The following MORC3 variants were observed in gnomAD, a reference collection of about 807,000 sequenced individuals.
MORC3 encodes MORC family CW-type zinc finger 3, also known as MORC family CW-type zinc finger protein 3.
In MORC3, 31 loss-of-function variants were observed where a neutral mutation model predicts 109.1. The ratio of observed to expected loss-of-function variants is 0.28; its 90% CI spans 0.21 to 0.38. The LOEUF is 0.38. MORC3 is among the 10% of genes least tolerant of loss of function. The pLI is 1.00. For missense variants in MORC3, 867 were observed against 1,135.8 expected (o/e 0.76, Z 3.40); for synonymous variants, 395 against 380.7 (o/e 1.04, Z -0.44).
chr21:36,324,762 C>T (rs2085230993), intron 1 of MORC3, among the ~76,000 whole-genome samples: 2 of 144,920 alleles, frequency 1.4e-5, no homozygotes, highest in Admixed American at 7.1e-5. Flanking sequence ...GGCTGGAGTG[C>T]AGTGGCATGA....
intron 15 of MORC3, among the ~76,000 whole-genome samples, chr21:36,371,537 T>C (rs2085867062): frequency 6.6e-6 from 1 of 152,250 alleles, no homozygotes; most frequent in Admixed American, 6.5e-5. Context: ...GAGTATTTCA[T>C]GTAATGTATT....
At position 36,320,303 on chromosome 21, in the gene MORC3, G is replaced by C; in HGVS notation, c.39G>C (p.Ala13=). The C allele has an allele frequency of 1.3e-6, 2 of 1,553,424 alleles. No individual in the cohort carries two copies. ...AQPPRGIRLS[A]LCPKFLHTNS... ...CACCCCGCGGGATACGCCTCAGCGC[G>C]GTGAGCAGCCGCGAGGGGTGGAGCG... The change falls in exon 1 of 17, where the codon GCG becomes GCC. Residue 13 remains alanine (A), a splice_region_variant and synonymous_variant. Coordinates refer to ENST00000400485, the MANE Select transcript of MORC3 (RefSeq NM_015358.3).
intron 2 of MORC3, 71 bp downstream of exon 2, chr21:36,333,789 GTTT>G: frequency 1.1e-6 from 1 of 936,704 alleles, no homozygotes; most frequent in Admixed American, 3.0e-5. Context: ...GTTTTGTTTT[GTTT>G]TTTTTTTTTA....
At chr21:36,331,381 G>C (rs1220624806) in intron 1 of MORC3, among the ~76,000 whole-genome samples, 2 of 151,826 alleles carry the variant, frequency 1.3e-5, no homozygotes, top group Admixed American at 6.6e-5. Flanking sequence ...GGCAGATCAC[G>C]AGGTCAGGAG....
chr21:36,364,213 C>G lies in MORC3; in HGVS notation c.1573C>G (p.Leu525Val). 1 of 1,614,150 alleles carries G rather than the reference C, an allele frequency of 6.2e-7. No homozygotes were observed. Among genetic ancestry groups the G allele is most frequent in the East Asian group, 2.2e-5 (1 of 44,872 alleles). Residue 525 changes from leucine to valine, a missense_variant, in exon 14 of 17, where the codon CTA becomes GTA. Physicochemically the swap from Leu to Val is conservative, Grantham distance 32. Coordinates refer to ENST00000400485, the MANE Select transcript of MORC3 (RefSeq NM_015358.3). ...EGTNSYATRL[L>V]NNHQVPPQSE... ...AACAAATTCTTATGCGACAAGACTT[C>G]TAAATAATCATCAAGTTCCACCTCA...
At chr21:36,339,954 A>C (rs2085421982) in intron 5 of MORC3, among the ~76,000 whole-genome samples, 1 of 152,154 alleles carries the variant, frequency 6.6e-6, no homozygotes, top group Non-Finnish European at 1.5e-5. Flanking sequence ...GGTACACTTC[A>C]TTCAGTTTCC....
chr21:36,346,010 T>C (rs1437949066), intron 8 of MORC3, among the ~76,000 whole-genome samples: 2 of 152,016 alleles, frequency 1.3e-5, no homozygotes, highest in East Asian at 1.9e-4. Flanking sequence ...TTAATTTCTT[T>C]TATTTATTTA....
Position 36,337,786 on chromosome 21 carries a change from T to C in MORC3, c.300T>C (p.Tyr100=), listed in dbSNP as rs1601517204. Residue 100 remains tyrosine, a synonymous_variant, in exon 4 of 17, where the codon TAT becomes TAC. Coordinates refer to ENST00000400485, the MANE Select transcript of MORC3 (RefSeq NM_015358.3). ...ATGGTCATGTCCCAGTTGGATTATA[T>C]GGGAATGGCTTCAAGTCGGGTTCTA... ...TMNGHVPVGL[Y]GNGFKSGSMR... 2 of 1,614,206 alleles carry C rather than the reference T, an allele frequency of 1.2e-6. No individual in the cohort carries two copies. Among genetic ancestry groups the C allele is most frequent in the Non-Finnish European group, 1.7e-6 (2 of 1,180,040 alleles).
intron 8 of MORC3, among the ~76,000 whole-genome samples, chr21:36,348,660 C>G (rs1336787372): frequency 6.6e-6 from 1 of 152,182 alleles, no homozygotes; most frequent in Non-Finnish European, 1.5e-5. Context: ...CTGCCCACCT[C>G]GGCTTCCCAA....
rs932512950 is a variant in MORC3, at chr21:36,320,232, G to A, written c.-33G>A. Reference sequence around the variant, plus strand: ...CGCCACCTCCCAGTCGGGTTGCGGCGGAGGCCGTTCCTGGCTTTGTAGCTC... The same window carrying A: ...CGCCACCTCCCAGTCGGGTTGCGGCAGAGGCCGTTCCTGGCTTTGTAGCTC... On this transcript the variant is annotated 5_prime_UTR_variant, in exon 1 of 17. Coordinates refer to ENST00000400485, the MANE Select transcript of MORC3 (RefSeq NM_015358.3). 1.3e-6 allele frequency: 2 copies of A among 1,572,692 alleles called. No individual in the cohort carries two copies. Among genetic ancestry groups the A allele is most frequent in the South Asian group, 1.2e-5 (1 of 86,232 alleles).
At chr21:36,342,870 T>C (rs1012089006) in intron 6 of MORC3, among the ~76,000 whole-genome samples, 1 of 151,136 alleles carries the variant, frequency 6.6e-6, no homozygotes. Flanking sequence ...AATAGAAAAA[T>C]TAGCTGGGCA....
At chr21:36,366,311 A>G (rs933036391) in intron 14 of MORC3, among the ~76,000 whole-genome samples, 1 of 152,128 alleles carries the variant, frequency 6.6e-6, no homozygotes, top group African/African-American at 2.4e-5. Flanking sequence ...TCCTGCCTTA[A>G]TTCCCTTAGG....
Position 36,375,723 on chromosome 21 carries a change from T to C in MORC3, c.*427T>C, listed in dbSNP as rs959478659. The C allele has an allele frequency of 2.0e-5, 3 of 153,296 alleles. No individual in the cohort carries two copies. The highest frequency in any genetic ancestry group is 7.2e-5 in the African/African-American group (3 of 41,460). 9.5% of individuals were successfully genotyped at this position (153,296 alleles called of 1,614,324 possible). On this transcript the variant is annotated 3_prime_UTR_variant, in exon 17 of 17. Coordinates refer to ENST00000400485, the MANE Select transcript of MORC3 (RefSeq NM_015358.3). ...GGAAATGTTACCTTTGATTTTCTTA[T>C]AAAGGAGTTTAAATAGGATTTTTAA...
At chr21:36,366,285 G>A (rs1420590819) in intron 14 of MORC3, among the ~76,000 whole-genome samples, 2 of 152,126 alleles carry the variant, frequency 1.3e-5, no homozygotes, top group Non-Finnish European at 2.9e-5. Context: ...AGAACATGAA[G>A]TATTTGGTTT....
chr21:36,342,203 C>A (rs1189295986), intron 6 of MORC3, among the ~76,000 whole-genome samples: 2 of 152,090 alleles, frequency 1.3e-5, no homozygotes, highest in African/African-American at 4.8e-5. Flanking sequence ...GAGATTGTAC[C>A]ACTGCACTCC....
chr21:36,369,470 A>G lies in MORC3; in HGVS notation c.2102A>G (p.Asn701Ser), dbSNP rs1447104555. ...GGCTGCCAATTACAAGAACTGAGAA[A>G]CCAGCTACTCCTTGTCACTGAGGAA... ...DAGCQLQELR[N>S]QLLLVTEEKE... is the part of the protein sequence containing the mutation. The change falls in exon 15 of 17, where the codon AAC becomes AGC. Residue 701 changes from asparagine (N) to serine (S), a missense_variant. By Grantham distance (46) the Asn-to-Ser change is conservative (BLOSUM62 1). This residue lies in a region of MORC3 where 486 missense variants were observed against 502.1 expected (regional missense o/e 0.97). Transcript: ENST00000400485. 6.2e-7 allele frequency: 1 copy of G among 1,614,060 alleles called. No individual in the cohort carries two copies. The highest frequency in any genetic ancestry group is 1.3e-5 in the African/African-American group (1 of 74,922).
At position 36,348,800 on chromosome 21, in the gene MORC3, C is replaced by G. The variant is rs547857470; in HGVS notation, c.1006-511C>G. 3.9e-5 allele frequency among the ~76,000 whole-genome samples: 6 copies of G among 152,096 alleles called. No individual in the cohort carries two copies. The South Asian group carries it at 6.2e-4, about 16-fold the overall frequency. ...AATCAAAGGGTTTTTGAGGAAGGCT[C>G]TAGTGTATTTAGAAATTAACTCCCA... On this transcript the variant is annotated intron_variant, in intron 8 of 16. Coordinates refer to ENST00000400485, the MANE Select transcript of MORC3 (RefSeq NM_015358.3).
chr21:36,369,188 G>T lies in MORC3; in HGVS notation c.1820G>T (p.Gly607Val). The part of the protein sequence containing the change: ...KSEQSHVEQG[G>V]VQVEFVGDSE... ...GAACAGAGTCACGTTGAGCAAGGTGGTGTTCAGGTTGAGTTTGTGGGTGAC... is the reference window on the plus strand; with the variant it reads ...GAACAGAGTCACGTTGAGCAAGGTGTTGTTCAGGTTGAGTTTGTGGGTGAC... The change falls in exon 15 of 17, where the codon GGT becomes GTT. Residue 607 changes from glycine (G) to valine (V), a missense_variant. Around this residue, in one of 7 missense-constraint regions of MORC3, gnomAD observed 486 missense variants for 502.1 expected, o/e 0.97. Coordinates refer to ENST00000400485, the MANE Select transcript of MORC3 (RefSeq NM_015358.3). 2 of 1,614,124 alleles carry T rather than the reference G, an allele frequency of 1.2e-6. No homozygotes were observed. The highest frequency in any genetic ancestry group is 1.1e-5 in the South Asian group (1 of 91,068).
intron 5 of MORC3, 196 bp downstream of exon 5, chr21:36,339,117 G>A (rs2085406737): frequency 1.7e-6 from 1 of 587,422 alleles, no homozygotes; most frequent in Non-Finnish European, 2.6e-6. Context: ...TTTTCATCTT[G>A]TTAAAAAAAA....
Sources: gnomAD v4.1 joint callset for allele counts (sites outside exome capture counted in the v4.1 genomes callset) on GRCh38, gnomAD v4.1.1 for gene constraint, gnomAD v4.1.1 regional missense constraint, MANE v1.5 for transcripts, NCBI Gene and HGNC (gene_info 2026-07-23, HGNC 2026-07-21) for gene names.